Variants in TMEM117 observed in about 807,000 individuals in gnomAD.
The protein encoded by TMEM117 is transmembrane protein 117.
TMEM117 carries 27 observed loss-of-function variants against 52.4 expected under a neutral mutation model. That is an observed-to-expected ratio of 0.51 (90% CI 0.38 to 0.71). TMEM117 has a LOEUF of 0.71. Among genes scored for constraint, TMEM117 ranks in the 30% least tolerant of loss-of-function variants. The pLI is 0.00. For missense variants in TMEM117, 556 were observed against 630.5 expected (o/e 0.88, Z 1.26); for synonymous variants, 215 against 206.3 (o/e 1.04, Z -0.36).
intron 2 of TMEM117, among the ~76,000 whole-genome samples, chr12:43,915,582 A>G (rs1412788817): frequency 6.6e-6 from 1 of 152,180 alleles, no homozygotes; most frequent in African/African-American, 2.4e-5. Context: ...AGAAGGGTTT[A>G]TTGCACTTAG....
chr12:43,966,996 G>A (rs1945495537), intron 3 of TMEM117, among the ~76,000 whole-genome samples: 1 of 152,194 alleles, frequency 6.6e-6, no homozygotes, highest in Admixed American at 6.5e-5. Flanking sequence ...CAGCCTCTGA[G>A]ATGGTCTCAG....
the TMEM117 span, chr12:43,800,574 A>G: frequency 7.5e-6 from 11 of 1,463,456 alleles, no homozygotes; most frequent in East Asian, 2.3e-5. Context: ...ATGAAAACAT[A>G]ACATTACAAA....
chr12:44,376,568 AT>A (rs1565773612), intron 6 of TMEM117, 26 bp from the exon 7 acceptor site: 1 of 1,583,770 alleles, frequency 6.3e-7, no homozygotes, highest in South Asian at 1.2e-5. Context: ...CGAATCACAA[AT>A]GTTTTTATTT....
chr12:44,078,901 C>T (rs1947430249), intron 3 of TMEM117, among the ~76,000 whole-genome samples: 1 of 118,766 alleles, frequency 8.4e-6, no homozygotes, highest in Non-Finnish European at 1.6e-5. Context: ...TGTGATGTTA[C>T]CCTCCCTGTG....
At chr12:43,937,165 T>C (rs917937054) in intron 2 of TMEM117, among the ~76,000 whole-genome samples, 12 of 152,096 alleles carry the variant, frequency 7.9e-5, no homozygotes, top group Admixed American at 3.3e-4. Context: ...TGTGAGCAGG[T>C]AGGAAGTTGA....
intron 3 of TMEM117, among the ~76,000 whole-genome samples, chr12:44,078,178 A>G (rs1454544552): frequency 1.3e-5 from 2 of 152,228 alleles, no homozygotes; most frequent in Non-Finnish European, 2.9e-5. Context: ...TGTAAAAGAC[A>G]TCTTCATATT....
At chr12:44,043,707 TC>T (rs1246439058) in intron 3 of TMEM117, among the ~76,000 whole-genome samples, 1 of 152,034 alleles carries the variant, frequency 6.6e-6, no homozygotes, top group Admixed American at 6.6e-5. Context: ...TAGACTAAAG[TC>T]CCAGTGGGCC....
At chr12:44,220,549 G>A (rs1949774799) in intron 5 of TMEM117, among the ~76,000 whole-genome samples, 1 of 152,134 alleles carries the variant, frequency 6.6e-6, no homozygotes, top group East Asian at 1.9e-4. Flanking sequence ...TCTATCTGCT[G>A]AGAGAGCTTA....
the TMEM117 span, among the ~76,000 whole-genome samples, chr12:43,798,348 G>A: frequency 3.9e-5 from 6 of 152,074 alleles, no homozygotes; most frequent in African/African-American, 1.4e-4. Flanking sequence ...TAAGAACATG[G>A]TGTGCATGTA....
At chr12:43,864,840 A>G (rs1232358093) in intron 2 of TMEM117, among the ~76,000 whole-genome samples, 3 of 152,158 alleles carry the variant, frequency 2.0e-5, no homozygotes, top group Non-Finnish European at 4.4e-5. Flanking sequence ...TTTGCAATAA[A>G]TCTTGCTGCT....
intron 5 of TMEM117, among the ~76,000 whole-genome samples, chr12:44,244,161 C>T (rs375860913): frequency 2.0e-5 from 3 of 151,862 alleles, no homozygotes; most frequent in African/African-American, 7.2e-5. Context: ...TGCTGGATCA[C>T]GTGGTAATTA....
chr12:44,359,407 C>A (rs2138803979), intron 6 of TMEM117, among the ~76,000 whole-genome samples: 1 of 151,864 alleles, frequency 6.6e-6, no homozygotes, highest in East Asian at 1.9e-4. Context: ...TTTTGTTTTG[C>A]TTTTACTGTG....
chr12:43,954,953 C>T (rs1945283702), intron 3 of TMEM117, among the ~76,000 whole-genome samples: 1 of 152,194 alleles, frequency 6.6e-6, no homozygotes, highest in African/African-American at 2.4e-5. Context: ...AAGTTGGCTT[C>T]GTCCCCAGGA....
the TMEM117 span, chr12:43,797,373 G>T: frequency 6.2e-7 from 1 of 1,605,352 alleles, no homozygotes; most frequent in South Asian, 1.1e-5. Flanking sequence ...TGAATCCTTG[G>T]GAATCCTCTT....
chr12:44,018,729 T>C (rs946835139), intron 3 of TMEM117, among the ~76,000 whole-genome samples: 9 of 151,756 alleles, frequency 5.9e-5, no homozygotes, highest in Non-Finnish European at 8.8e-5. Context: ...TTCTTTCTTT[T>C]TTTTTTTTTT....
intron 3 of TMEM117, among the ~76,000 whole-genome samples, chr12:44,024,937 C>G (rs922230004): frequency 1.3e-5 from 2 of 151,978 alleles, no homozygotes; most frequent in Non-Finnish European, 2.9e-5. Flanking sequence ...GCGCCTTCAT[C>G]TATTCCTAAG....
At chr12:44,051,453 G>C (rs1383182076) in intron 3 of TMEM117, among the ~76,000 whole-genome samples, 1 of 152,064 alleles carries the variant, frequency 6.6e-6, no homozygotes, top group African/African-American at 2.4e-5. Flanking sequence ...AAATATACTT[G>C]AAGCCCAAAA....
At chr12:43,961,606 A>C (rs1945404662) in intron 3 of TMEM117, among the ~76,000 whole-genome samples, 1 of 152,206 alleles carries the variant, frequency 6.6e-6, no homozygotes, top group Non-Finnish European at 1.5e-5. Flanking sequence ...ATAATATTTC[A>C]TTAGGGTTCA....
At chr12:43,797,035 A>G in the TMEM117 span, 1 of 1,611,538 alleles carries the variant, frequency 6.2e-7, no homozygotes, top group Non-Finnish European at 8.5e-7. Context: ...CGGCTCTTGC[A>G]GCTAGAATAC....
Sources: gnomAD v4.1 joint callset for allele counts (sites outside exome capture counted in the v4.1 genomes callset) on GRCh38, gnomAD v4.1.1 for gene constraint, MANE v1.5 for transcripts, NCBI Gene and HGNC (gene_info 2026-07-23, HGNC 2026-07-21) for gene names.